The following CEP290 variants were observed in gnomAD, a reference collection of about 807,000 sequenced individuals.
CEP290 encodes the protein centrosomal protein of 290 kDa.
A neutral mutation model predicts 344.9 loss-of-function variants in CEP290; 317 were observed. That is an observed-to-expected ratio of 0.92 (90% CI 0.84 to 1.01). CEP290 has a LOEUF of 1.01. CEP290 is among the 50% of genes least tolerant of loss of function. CEP290 has a pLI of 0.00. For synonymous variants in CEP290, 932 were observed against 895.8 expected, an observed-to-expected ratio of 1.04 and a Z score of -0.72; for missense variants, 2,754 against 2,761.4, an observed-to-expected ratio of 1.00 and a Z score of 0.06.
In CEP290 at chr12:88,103,018, A is replaced by T. The variant is rs773022526; in HGVS notation, c.2818-7T>A. 6.6e-7 allele frequency: 1 copy of T among 1,523,732 alleles called. No individual in the cohort carries two copies. Among genetic ancestry groups the T allele is most frequent in the Non-Finnish European group, 8.7e-7 (1 of 1,143,004 alleles). 94.4% of individuals were successfully genotyped at this position (1,523,732 alleles called of 1,614,324 possible). On this transcript the variant is annotated splice_polypyrimidine_tract_variant and splice_region_variant and intron_variant, in intron 25 of 53. Transcript: ENST00000552810. Reference sequence around the variant, plus strand: ...TCTTGAAAATGGCCATTTCCTATGTAAATAAAGATACACTGAGTTATGCTG... The same window carrying T: ...TCTTGAAAATGGCCATTTCCTATGTTAATAAAGATACACTGAGTTATGCTG...
intron 41 of CEP290, among the ~76,000 whole-genome samples, chr12:88,072,901 A>G (rs1404867754): frequency 2.0e-5 from 3 of 152,156 alleles, no homozygotes; most frequent in African/African-American, 7.2e-5. Context: ...ATCTAAATCT[A>G]TTTTGTAGTA....
rs757556647 is a variant in CEP290 at position 88,089,232 on chromosome 12, C to G, written c.3829G>C (p.Ala1277Pro). 1.2e-6 allele frequency: 2 copies of G among 1,613,760 alleles called. No homozygotes were observed. Among genetic ancestry groups the G allele is most frequent in the East Asian group, 2.2e-5 (1 of 44,874 alleles). ...TTTTCCTGTTGTGCCAAGGGTAAAG[C>G]TCCACTAAACTGTCGTCGTAGAGAC... is the stretch of plus-strand genomic sequence containing the variant. ...IQSLRRQFSG[A>P]LPLAQQEKFS... The change falls in exon 31 of 54, where the codon GCT becomes CCT. Residue 1277 changes from alanine (A) to proline (P), a missense_variant. Physicochemically the swap from Ala to Pro is conservative, Grantham distance 27. Coordinates refer to ENST00000552810, the MANE Select transcript of CEP290 (RefSeq NM_025114.4).
At chr12:88,111,135 C>A in intron 22 of CEP290, 67 bp downstream of exon 22, 2 of 879,352 alleles carry the variant, frequency 2.3e-6, no homozygotes, top group South Asian at 3.5e-5. Context: ...CATAAAGAAA[C>A]ATACTACCAA....
At chr12:88,103,961 T>C (rs2038086313) in intron 25 of CEP290, 1 of 152,066 alleles carries the variant, frequency 6.6e-6, no homozygotes, top group South Asian at 2.1e-4. Flanking sequence ...TTCTTGGCTC[T>C]TCAATTGTTG....
chr12:88,084,636 T>C lies in CEP290; in HGVS notation c.4654A>G (p.Lys1552Glu). The C allele has an allele frequency of 6.2e-7, 1 of 1,613,388 alleles. No homozygotes were observed. The highest frequency in any genetic ancestry group is 8.5e-7 in the Non-Finnish European group (1 of 1,179,404). Reference protein sequence around the residue: ...IANMQARLNQKEEVLKKYQRL... With the variant: ...IANMQARLNQEEEVLKKYQRL... Reference sequence around the variant, plus strand: ...TGATACTTCTTTAATACTTCTTCTTTTTGATTTAACCTTGCTTGCATGTTT... The same window carrying C: ...TGATACTTCTTTAATACTTCTTCTTCTTGATTTAACCTTGCTTGCATGTTT... Residue 1552 changes from lysine (K) to glutamate (E), a missense_variant, in exon 35 of 54, where the codon AAA (lysine) becomes GAA (glutamate). Physicochemically the swap from Lys to Glu is moderately conservative, Grantham distance 56. Coordinates refer to ENST00000552810, the MANE Select transcript of CEP290 (RefSeq NM_025114.4).
chr12:88,049,373 A>T lies in CEP290; in HGVS notation c.7251T>A (p.Asp2417Glu). The change falls in exon 54 of 54, where the codon GAT (aspartate) becomes GAA (glutamate). Residue 2417 changes from aspartate to glutamate, a missense_variant. By Grantham distance (45) the Asp-to-Glu change is conservative. Coordinates refer to ENST00000552810, the MANE Select transcript of CEP290 (RefSeq NM_025114.4). The stretch of plus-strand genomic sequence containing the variant: ...CTTCAATTTCTTCAAAAAATGAAGG[A>T]TCAAAATTTTCCAGTTCTTTTTTCA... ...KKLKKELENF[D>E]PSFFEEIEDL... The T allele has an allele frequency of 6.4e-7, 1 of 1,555,622 alleles. No individual in the cohort carries two copies. Among genetic ancestry groups the T allele is most frequent in the African/African-American group, 1.4e-5 (1 of 73,074 alleles).
At chr12:88,114,643 A>G in intron 19 of CEP290, 81 bp from the exon 20 acceptor site, 1 of 1,137,566 alleles carries the variant, frequency 8.8e-7, no homozygotes. Context: ...CAAATATTTC[A>G]CATATACCAA....
At chr12:88,105,406 G>C (rs1565874409) in intron 25 of CEP290, among the ~76,000 whole-genome samples, 1 of 152,178 alleles carries the variant, frequency 6.6e-6, no homozygotes, top group Non-Finnish European at 1.5e-5. Flanking sequence ...CACCAAGTGT[G>C]TATTCTGAAA....
chr12:88,139,540 C>G lies in CEP290; in HGVS notation c.205G>C (p.Ala69Pro). The change falls in exon 4 of 54, where the codon GCT becomes CCT. Residue 69 changes from alanine to proline, a missense_variant. Coordinates refer to ENST00000552810, the MANE Select transcript of CEP290 (RefSeq NM_025114.4). ...MKMKAQEVEL[A>P]LEEVEKAGEE... ...CCAGCTTTTTCTACTTCTTCCAAAG[C>G]CAGCTCCACTTCTTGAGCTTTCATC... 6.3e-7 allele frequency: 1 copy of G among 1,592,764 alleles called. No individual in the cohort carries two copies. Among genetic ancestry groups the G allele is most frequent in the Non-Finnish European group, 8.5e-7 (1 of 1,170,516 alleles).
intron 23 of CEP290, among the ~76,000 whole-genome samples, chr12:88,107,589 T>A: frequency 1.3e-5 from 2 of 148,404 alleles, no homozygotes; most frequent in South Asian, 2.1e-4. Flanking sequence ...GCTAAGAGAG[T>A]AAATTTTAAG....
chr12:88,055,333 A>T lies in CEP290; in HGVS notation c.6960+243T>A, dbSNP rs61940998. On this transcript the variant is annotated intron_variant, in intron 50 of 53. Coordinates refer to ENST00000552810, the MANE Select transcript of CEP290 (RefSeq NM_025114.4). ...TGTCTCAAGATACCAAGAAGTGGTC[A>T]TATTTAGGATATAGTTTGAAAATAG... Among the ~76,000 whole-genome samples, 346 of 152,274 alleles carry T rather than the reference A, an allele frequency of 2.3e-3. 1 individual carries two copies. Among genetic ancestry groups the T allele is most frequent in the South Asian group, 9.1e-3 (44 of 4,832 alleles).
chr12:88,097,060 T>C, intron 26 of CEP290, 61 bp from the exon 27 acceptor site: 2 of 821,506 alleles, frequency 2.4e-6, no homozygotes, highest in Non-Finnish European at 3.9e-6. Flanking sequence ...TACCACAAAA[T>C]GACATTGTCT....
chr12:88,110,835 A>G (rs986961938), intron 22 of CEP290, among the ~76,000 whole-genome samples: 1 of 152,224 alleles, frequency 6.6e-6, no homozygotes, highest in Admixed American at 6.5e-5. Flanking sequence ...TCATTTACTT[A>G]ACACTGCTTT....
At chr12:88,066,277 A>C (rs1264293376) in intron 44 of CEP290, among the ~76,000 whole-genome samples, 1 of 152,150 alleles carries the variant, frequency 6.6e-6, no homozygotes, top group East Asian at 1.9e-4. Context: ...GTAGAGTTAG[A>C]CTGATATTCT....
chr12:88,116,205 CAT>C (rs2039026070), intron 18 of CEP290: 2 of 235,998 alleles, frequency 8.5e-6, no homozygotes, highest in Non-Finnish European at 6.9e-6. Flanking sequence ...AGAAAAAAGG[CAT>C]ATGTCATTTA....
intron 46 of CEP290, 47 bp from the exon 47 acceptor site, chr12:88,061,041 T>C (rs1237310462): frequency 1.5e-6 from 2 of 1,368,372 alleles, no homozygotes; most frequent in Non-Finnish European, 2.0e-6. Flanking sequence ...TTAGTAAGTA[T>C]AATACGAAGT....
chr12:88,117,336 G>A (rs2039115976), intron 17 of CEP290, among the ~76,000 whole-genome samples, 191 bp from the exon 18 acceptor site: 1 of 152,090 alleles, frequency 6.6e-6, no homozygotes, highest in Non-Finnish European at 1.5e-5. Context: ...TATTAATAAT[G>A]TGAGAACCTA....
intron 34 of CEP290, among the ~76,000 whole-genome samples, 193 bp from the exon 35 acceptor site, chr12:88,085,045 T>G (rs978805996): frequency 2.0e-5 from 3 of 152,158 alleles, no homozygotes; most frequent in Non-Finnish European, 4.4e-5. Context: ...CATGCTTATT[T>G]ATAAGACTAT....
At chr12:88,131,620 CCTCT>C (rs1376152706) in intron 6 of CEP290, among the ~76,000 whole-genome samples, 1 of 151,982 alleles carries the variant, frequency 6.6e-6, no homozygotes, top group African/African-American at 2.4e-5. Context: ...AATTTTAAAT[CCTCT>C]CTAACAAAGT....
Sources: gnomAD v4.1 joint callset for allele counts (sites outside exome capture counted in the v4.1 genomes callset) on GRCh38, gnomAD v4.1.1 for gene constraint, MANE v1.5 for transcripts, NCBI Gene and HGNC (gene_info 2026-07-23, HGNC 2026-07-21) for gene names.